The following DIP2C variants were observed in gnomAD, a reference collection of about 807,000 sequenced individuals.
The protein encoded by DIP2C is DIP2 acetate--CoA ligase C (putative), also known as disco-interacting protein 2 homolog C.
Under a neutral mutation model 192.4 loss-of-function variants are expected in DIP2C, and 33 were observed. The ratio of observed to expected loss-of-function variants is 0.17; its 90% CI spans 0.13 to 0.23. DIP2C has a LOEUF of 0.23. DIP2C is among the 10% of genes least tolerant of loss of function. The pLI is 1.00. For missense variants in DIP2C, 1,537 were observed against 2,110.1 expected (o/e 0.73, Z 5.32); for synonymous variants, 979 against 864.1 (o/e 1.13, Z -2.33).
intron 29 of DIP2C, among the ~76,000 whole-genome samples, chr10:331,756 T>C (rs1309164834): frequency 6.6e-6 from 1 of 152,174 alleles, no homozygotes; most frequent in Non-Finnish European, 1.5e-5. Flanking sequence ...TTCTAGCAAA[T>C]AGTGACCTTT....
intron 1 of DIP2C, among the ~76,000 whole-genome samples, chr10:673,038 T>C (rs967174622): frequency 2.0e-5 from 3 of 152,224 alleles, no homozygotes; most frequent in African/African-American, 7.2e-5. Context: ...AGTGTAAGCC[T>C]GTACCTGGTT....
At chr10:332,691 G>A (rs906683221) in intron 29 of DIP2C, among the ~76,000 whole-genome samples, 3 of 152,148 alleles carry the variant, frequency 2.0e-5, no homozygotes, top group Admixed American at 6.5e-5. Context: ...TAGACATTTT[G>A]GTAAGTAATA....
intron 32 of DIP2C, among the ~76,000 whole-genome samples, chr10:304,161 C>T (rs1290225782): frequency 6.6e-6 from 1 of 152,172 alleles, no homozygotes; most frequent in African/African-American, 2.4e-5. Flanking sequence ...CAGTATTATG[C>T]ACGTACTGTG....
chr10:396,510 A>G (rs1196139386), intron 10 of DIP2C, among the ~76,000 whole-genome samples: 1 of 152,220 alleles, frequency 6.6e-6, no homozygotes, highest in Non-Finnish European at 1.5e-5. Context: ...TTATTGAACC[A>G]TCACCATATG....
At chr10:283,005 C>T (rs1030656765) in intron 35 of DIP2C, among the ~76,000 whole-genome samples, 8 of 152,264 alleles carry the variant, frequency 5.3e-5, no homozygotes, top group Non-Finnish European at 1.0e-4. Flanking sequence ...AGCCCATGCT[C>T]AGCAGCCATG....
intron 1 of DIP2C, among the ~76,000 whole-genome samples, chr10:673,968 C>T (rs1340725134): frequency 6.6e-6 from 1 of 152,198 alleles, no homozygotes; most frequent in Non-Finnish European, 1.5e-5. Flanking sequence ...AAAATCCCAA[C>T]AGGGACGGTG....
At position 651,938 on chromosome 10, in the gene DIP2C, T is replaced by G. The variant is rs772206569; in HGVS notation, c.85+37556A>C. 36 of 170,316 alleles carry G rather than the reference T, an allele frequency of 2.1e-4. No homozygotes were observed. The highest frequency in any genetic ancestry group is 4.0e-4 in the Non-Finnish European group (32 of 79,516). 10.6% of individuals were successfully genotyped at this position (170,316 alleles called of 1,614,324 possible). On this transcript the variant is annotated intron_variant, in intron 1 of 36. Transcript: ENST00000280886. The surrounding 1 kb of genome is among the most constrained non-coding windows in gnomAD (Gnocchi z 4.1). ...CCATGGACACCAAATCCAGGCACAC[T>G]CACGCCCCACAAGTGGACCTGCCGA...
At chr10:417,524 C>G (rs573219569) in intron 6 of DIP2C, among the ~76,000 whole-genome samples, 2 of 152,310 alleles carry the variant, frequency 1.3e-5, no homozygotes, top group Non-Finnish European at 2.9e-5. Flanking sequence ...TTCAAGCGCA[C>G]TAACTGGACA....
At chr10:457,387 A>C (rs1289936868) in intron 3 of DIP2C, among the ~76,000 whole-genome samples, 6 of 152,036 alleles carry the variant, frequency 3.9e-5, no homozygotes, top group African/African-American at 1.5e-4. Flanking sequence ...GCATCTCACA[A>C]ATTTTGATTC....
rs1957408310 is a variant in DIP2C at position 329,538 on chromosome 10, C to T, written c.3648G>A (p.Leu1216=). ...PPSELETNPA[L]WLLAVSQYKV... is the part of the protein sequence containing the mutation. ...TGTACTGACTCACGGCAAGAAGCCA[C>T]AAGGCGGGGTTGGTTTCCAGCTCAG... is the stretch of plus-strand genomic sequence containing the variant. The change falls in exon 30 of 37, where the codon TTG becomes TTA. Residue 1216 remains leucine (L), a synonymous_variant. Coordinates refer to ENST00000280886, the MANE Select transcript of DIP2C (RefSeq NM_014974.3). 9 of 1,614,186 alleles carry T rather than the reference C, an allele frequency of 5.6e-6. No individual in the cohort carries two copies. Among genetic ancestry groups the T allele is most frequent in the Non-Finnish European group, 7.6e-6 (9 of 1,180,038 alleles).
intron 2 of DIP2C, among the ~76,000 whole-genome samples, chr10:476,166 C>T (rs1343291594): frequency 6.6e-6 from 1 of 152,124 alleles, no homozygotes; most frequent in Non-Finnish European, 1.5e-5. Flanking sequence ...TGGCTGCCTT[C>T]ACACACTCAA....
chr10:680,442 C>T (rs923194443), intron 1 of DIP2C, among the ~76,000 whole-genome samples: 4 of 152,196 alleles, frequency 2.6e-5, no homozygotes, highest in African/African-American at 9.7e-5. Context: ...GCTACACTGT[C>T]CGCACTGGGT....
rs527774708 is a variant in DIP2C, at chr10:642,313, G to A, written c.85+47181C>T. Among the ~76,000 whole-genome samples, 170 of 152,182 alleles carry A rather than the reference G, an allele frequency of 1.1e-3. 1 individual carries two copies. Among genetic ancestry groups the A allele is most frequent in the Admixed American group, 3.4e-3 (52 of 15,298 alleles). ...GGATGCTGGGCCTCCGCCTCCTAAC[G>A]TCACACTGGGGTGGGGCAGGTCTGG... On this transcript the variant is annotated intron_variant, in intron 1 of 36. Transcript: ENST00000280886.
rs562264563 is a variant in DIP2C at position 636,725 on chromosome 10, G to C, written c.85+52769C>G. On this transcript the variant is annotated intron_variant, in intron 1 of 36. Coordinates refer to ENST00000280886, the MANE Select transcript of DIP2C (RefSeq NM_014974.3). The surrounding 1 kb of genome is among the most constrained non-coding windows in gnomAD (Gnocchi z 4.6). ...CACCCTTTATCTGTGATGACTTTTCGAGAGTCTGGGGCCAACGTCCTGCAG... is the reference window on the plus strand; with the variant it reads ...CACCCTTTATCTGTGATGACTTTTCCAGAGTCTGGGGCCAACGTCCTGCAG... Among the ~76,000 whole-genome samples the C allele has an allele frequency of 6.6e-6, 1 of 152,130 alleles. No individual in the cohort carries two copies.
At chr10:631,200 A>G (rs952459441) in intron 1 of DIP2C, 1 of 152,266 alleles carries the variant, frequency 6.6e-6, no homozygotes, top group South Asian at 2.1e-4. Flanking sequence ...AATAATTCAC[A>G]TAATTAAATT....
At chr10:341,399 T>C in intron 28 of DIP2C, 70 bp from the exon 29 acceptor site, 1 of 1,604,172 alleles carries the variant, frequency 6.2e-7, no homozygotes, top group Non-Finnish European at 8.5e-7. Flanking sequence ...AATACGGGGC[T>C]GCAGGGAACG....
At chr10:598,832 C>A (rs745491619) in intron 1 of DIP2C, among the ~76,000 whole-genome samples, 3 of 152,218 alleles carry the variant, frequency 2.0e-5, no homozygotes, top group African/African-American at 7.2e-5. Flanking sequence ...TGGGTGTCTC[C>A]GACATCTTTG....
chr10:330,705 C>T lies in DIP2C; in HGVS notation c.3585-1104G>A, dbSNP rs186576209. Among the ~76,000 whole-genome samples, 390 of 148,982 alleles carry T rather than the reference C, an allele frequency of 2.6e-3. 1 individual carries two copies. Among genetic ancestry groups the T allele is most frequent in the Non-Finnish European group, 2.8e-3 (189 of 67,664 alleles). On this transcript the variant is annotated intron_variant, in intron 29 of 36. Coordinates refer to ENST00000280886, the MANE Select transcript of DIP2C (RefSeq NM_014974.3). ...TGTTGCCTAGGCTCATCTTGAACTT[C>T]GGGGCTCAAGCAATCCTCTCTTGTT...
chr10:650,174 T>C, intron 1 of DIP2C: 2 of 717,284 alleles, frequency 2.8e-6, no homozygotes, highest in Non-Finnish European at 5.2e-6. Context: ...GAGTCAACAC[T>C]GGAGGTCCTG....
Sources: allele counts gnomAD v4.1 joint callset (sites outside exome capture counted in the v4.1 genomes callset), GRCh38; gene constraint gnomAD v4.1.1; non-coding constraint Gnocchi (gnomAD v3.1); transcripts MANE v1.5; gene names NCBI Gene and HGNC (gene_info 2026-07-23, HGNC 2026-07-21).